Variants in MINDY3 observed in about 807,000 individuals in gnomAD.
The protein encoded by MINDY3 is MINDY lysine 48 deubiquitinase 3.
MINDY3 carries 38 observed loss-of-function variants against 69.2 expected under a neutral mutation model. That is an observed-to-expected ratio of 0.55 (90% CI 0.42 to 0.72). The LOEUF (loss-of-function observed/expected upper bound fraction) is 0.72. Ranked by LOEUF, MINDY3 falls within the 30% of genes least tolerant of loss-of-function variation. MINDY3 has a pLI of 0.00. For missense variants in MINDY3, 522 were observed against 519.0 expected (o/e 1.01, Z -0.06); for synonymous variants, 192 against 180.1 (o/e 1.07, Z -0.53).
At chr10:15,821,623 A>G in intron 9 of MINDY3, 33 bp downstream of exon 9, 1 of 1,548,840 alleles carries the variant, frequency 6.5e-7, no homozygotes, top group Non-Finnish European at 8.9e-7. Context: ...ATCTAAACAA[A>G]AAACATTCAA....
intron 2 of MINDY3, among the ~76,000 whole-genome samples, chr10:15,846,075 G>A (rs569943923): frequency 1.6e-3 from 235 of 148,622 alleles, no homozygotes; most frequent in African/African-American, 5.6e-3. Flanking sequence ...TACCTGCCTC[G>A]GCCTCCCAAA....
chr10:15,837,818 A>G, intron 5 of MINDY3: 1 of 978,714 alleles, frequency 1.0e-6, no homozygotes, highest in Non-Finnish European at 1.2e-6. Flanking sequence ...TTTACTTTGT[A>G]ATAAAAAGTT....
chr10:15,808,184 C>G (rs4387254), intron 10 of MINDY3, among the ~76,000 whole-genome samples: 61,716 of 152,054 alleles, frequency 0.41, 15,811 homozygotes, highest in African/African-American at 0.74. Context: ...ATTTTAAGGT[C>G]TTAAAAGTCA....
At position 15,860,295 on chromosome 10, in the gene MINDY3, G is replaced by T; in HGVS notation, c.5C>A (p.Ser2Tyr). Residue 2 changes from serine to tyrosine, a missense_variant, in exon 1 of 15, where the codon TCC becomes TAC. Coordinates refer to ENST00000277632, the MANE Select transcript of MINDY3 (RefSeq NM_024948.4). ...CTCCATCAGCTCTTTAGTCAGTTCGGACATGATGAGGAACCGGCGGGCGGA... is the reference window on the plus strand; with the variant it reads ...CTCCATCAGCTCTTTAGTCAGTTCGTACATGATGAGGAACCGGCGGGCGGA... MSELTKELMELV... is the reference protein window; with the variant it reads MYELTKELMELV... 1 of 1,602,824 alleles carries T rather than the reference G, an allele frequency of 6.2e-7. No individual in the cohort carries two copies.
At chr10:15,800,285 CA>C (rs1838166961) in intron 10 of MINDY3, among the ~76,000 whole-genome samples, 1 of 152,064 alleles carries the variant, frequency 6.6e-6, no homozygotes, top group Non-Finnish European at 1.5e-5. Context: ...TGTATCAAAA[CA>C]GGGGCATACG....
chr10:15,822,309 T>C (rs929192106), intron 8 of MINDY3, among the ~76,000 whole-genome samples: 4 of 152,002 alleles, frequency 2.6e-5, no homozygotes, highest in African/African-American at 9.7e-5. Context: ...AGACGACAGA[T>C]GAAAAAAACA....
intron 10 of MINDY3, among the ~76,000 whole-genome samples, chr10:15,801,114 C>A (rs1382708586): frequency 6.6e-6 from 1 of 152,084 alleles, no homozygotes; most frequent in Non-Finnish European, 1.5e-5. Context: ...TTAAGAAAAT[C>A]TTTGAGAAGA....
rs1477410431 is a variant in MINDY3, at chr10:15,778,504, A to G, written c.*488T>C. Reference sequence around the variant, plus strand: ...AATTGTCAAAGGATCCAGGTTGACAATGTGTTATTTGTCAATATTTCTAAT... The same window carrying G: ...AATTGTCAAAGGATCCAGGTTGACAGTGTGTTATTTGTCAATATTTCTAAT... On this transcript the variant is annotated 3_prime_UTR_variant, in exon 15 of 15. Coordinates refer to ENST00000277632, the MANE Select transcript of MINDY3 (RefSeq NM_024948.4). 1.3e-5 allele frequency: 2 copies of G among 152,496 alleles called. No homozygotes were observed. Among genetic ancestry groups the G allele is most frequent in the Admixed American group, 6.5e-5 (1 of 15,310 alleles). 9.4% of individuals were successfully genotyped at this position (152,496 alleles called of 1,614,324 possible).
At chr10:15,814,190 A>T (rs891430968) in intron 10 of MINDY3, among the ~76,000 whole-genome samples, 1 of 152,132 alleles carries the variant, frequency 6.6e-6, no homozygotes, top group African/African-American at 2.4e-5. Context: ...AAATGTGATC[A>T]AGTATTATTG....
intron 9 of MINDY3, among the ~76,000 whole-genome samples, chr10:15,819,100 G>A (rs1839578153): frequency 6.6e-6 from 1 of 152,172 alleles, no homozygotes; most frequent in South Asian, 2.1e-4. Context: ...GGGAGAAAGA[G>A]ATTATTTCAT....
At chr10:15,815,726 A>C (rs1432829405) in intron 10 of MINDY3, among the ~76,000 whole-genome samples, 1 of 152,196 alleles carries the variant, frequency 6.6e-6, no homozygotes, top group Non-Finnish European at 1.5e-5. Flanking sequence ...TTTAATTTGT[A>C]CTAGGCACTG....
At chr10:15,810,482 C>A (rs897902569) in intron 10 of MINDY3, among the ~76,000 whole-genome samples, 1 of 152,078 alleles carries the variant, frequency 6.6e-6, no homozygotes, top group African/African-American at 2.4e-5. Context: ...ATAGCAAAAG[C>A]TAGTTTTTCT....
intron 1 of MINDY3, among the ~76,000 whole-genome samples, chr10:15,853,359 A>T (rs577605443): frequency 6.6e-6 from 1 of 152,092 alleles, no homozygotes; most frequent in Non-Finnish European, 1.5e-5. Flanking sequence ...GATAAAACTA[A>T]GATATGATTT....
intron 13 of MINDY3, among the ~76,000 whole-genome samples, chr10:15,784,350 G>C (rs1383060828): frequency 6.6e-6 from 1 of 152,112 alleles, no homozygotes; most frequent in African/African-American, 2.4e-5. Context: ...TCTTCCACAG[G>C]ACCTACTTGA....
At chr10:15,797,456 G>A (rs540433901) in intron 10 of MINDY3, among the ~76,000 whole-genome samples, 1 of 152,172 alleles carries the variant, frequency 6.6e-6, no homozygotes, top group East Asian at 1.9e-4. Context: ...ACGCCCAAGT[G>A]ACATGTTTTC....
intron 14 of MINDY3, among the ~76,000 whole-genome samples, chr10:15,781,602 G>A (rs1404703415): frequency 6.6e-6 from 1 of 152,072 alleles, no homozygotes; most frequent in Non-Finnish European, 1.5e-5. Flanking sequence ...ATGGGTAGGA[G>A]CATGGTCTCT....
At chr10:15,816,551 T>C (rs1265723186) in intron 10 of MINDY3, among the ~76,000 whole-genome samples, 1 of 151,450 alleles carries the variant, frequency 6.6e-6, no homozygotes, top group African/African-American at 2.4e-5. Context: ...TAAAATTCAA[T>C]TGTTTTCTCT....
chr10:15,779,553 C>T (rs969106251), intron 14 of MINDY3, among the ~76,000 whole-genome samples: 3 of 152,106 alleles, frequency 2.0e-5, no homozygotes, highest in Admixed American at 6.5e-5. Flanking sequence ...AAACGGAGAG[C>T]TATAAAAGGA....
intron 8 of MINDY3, among the ~76,000 whole-genome samples, chr10:15,832,914 T>C (rs1462001290): frequency 6.6e-6 from 1 of 152,206 alleles, no homozygotes; most frequent in Non-Finnish European, 1.5e-5. Flanking sequence ...GACTGTGAGC[T>C]CTGGGAACCC....
Sources: gnomAD v4.1 joint callset for allele counts (sites outside exome capture counted in the v4.1 genomes callset) on GRCh38, gnomAD v4.1.1 for gene constraint, MANE v1.5 for transcripts, NCBI Gene and HGNC (gene_info 2026-07-23, HGNC 2026-07-21) for gene names.